Variants in PHTF2 observed in about 807,000 individuals in gnomAD.
PHTF2 encodes the protein putative homeodomain transcription factor 2.
A neutral mutation model predicts 101.2 loss-of-function variants in PHTF2; 60 were observed. The observed-to-expected ratio is 0.59, with a 90% confidence interval of 0.48 to 0.73. PHTF2 has a LOEUF of 0.73. Among genes scored for constraint, PHTF2 ranks in the 30% least tolerant of loss-of-function variants. PHTF2 has a pLI of 0.00. For synonymous variants in PHTF2, 311 were observed against 307.3 expected (o/e 1.01, Z -0.13); for missense variants, 747 against 908.7 (o/e 0.82, Z 2.29).
At chr7:77,940,536 T>G (rs1805558537) in exon 15 of PHTF2, 1 of 1,594,496 alleles carries the variant, frequency 6.3e-7, no homozygotes, top group Non-Finnish European at 8.5e-7. Flanking sequence ...AGCGATTACT[T>G]TTTGCAAAAC....
intron 1 of PHTF2, chr7:77,840,017 T>A: frequency 2.7e-6 from 1 of 369,736 alleles, no homozygotes; most frequent in Non-Finnish European, 4.8e-6. Context: ...TTCATGCAAA[T>A]AGAACTTTCT....
intron 11 of PHTF2, among the ~76,000 whole-genome samples, chr7:77,927,864 T>C (rs1804205298): frequency 6.6e-6 from 1 of 152,188 alleles, no homozygotes; most frequent in Non-Finnish European, 1.5e-5. Context: ...AGTAAAAGGT[T>C]ACGGTATGTA....
intron 11 of PHTF2, chr7:77,923,993 T>C (rs1458990264): frequency 1.1e-6 from 1 of 894,526 alleles, no homozygotes; most frequent in East Asian, 1.2e-4. Flanking sequence ...TTTTTAATGA[T>C]ATAAGAAATT....
intron 9 of PHTF2, among the ~76,000 whole-genome samples, chr7:77,912,128 T>C (rs1456574688): frequency 1.3e-5 from 2 of 152,224 alleles, no homozygotes; most frequent in East Asian, 3.8e-4. Flanking sequence ...TCAAATGAGA[T>C]AGAGACTTAA....
chr7:77,891,027 C>T (rs1263246820), intron 3 of PHTF2, among the ~76,000 whole-genome samples: 1 of 151,090 alleles, frequency 6.6e-6, no homozygotes, highest in Non-Finnish European at 1.5e-5. Context: ...CCCACCTCAG[C>T]CTCCTGAGTA....
chr7:77,882,960 A>G (rs568315316), intron 3 of PHTF2, among the ~76,000 whole-genome samples: 1 of 152,110 alleles, frequency 6.6e-6, no homozygotes, highest in African/African-American at 2.4e-5. Flanking sequence ...TCCATTGCAC[A>G]TGTGTGTAAT....
At chr7:77,897,115 A>C (rs1226661335) in intron 5 of PHTF2, among the ~76,000 whole-genome samples, 1 of 152,058 alleles carries the variant, frequency 6.6e-6, no homozygotes, top group African/African-American at 2.4e-5. Flanking sequence ...AAGCTTCTTA[A>C]AAGACTAGAC....
chr7:77,830,931 C>T (rs1206964211), intron 1 of PHTF2, among the ~76,000 whole-genome samples: 2 of 152,272 alleles, frequency 1.3e-5, no homozygotes, highest in African/African-American at 4.8e-5. Flanking sequence ...CTAACCTTAG[C>T]CAAAATGAGT....
At chr7:77,802,879 G>C (rs569888370) in intron 1 of PHTF2, among the ~76,000 whole-genome samples, 129 of 152,250 alleles carry the variant, frequency 8.5e-4, no homozygotes, top group African/African-American at 2.9e-3. Flanking sequence ...AAAGTCTCGT[G>C]CTTCTATCTT....
At chr7:77,891,199 A>G (rs1183285770) in intron 3 of PHTF2, among the ~76,000 whole-genome samples, 8 of 152,026 alleles carry the variant, frequency 5.3e-5, no homozygotes, top group Non-Finnish European at 1.0e-4. Flanking sequence ...ATGAGCCACC[A>G]TACCCAGCCT....
chr7:77,884,304 G>A (rs933947417), intron 3 of PHTF2, among the ~76,000 whole-genome samples: 1 of 152,140 alleles, frequency 6.6e-6, no homozygotes, highest in African/African-American at 2.4e-5. Context: ...TAGTGATGAA[G>A]TCTGAGATTT....
intron 3 of PHTF2, among the ~76,000 whole-genome samples, chr7:77,893,278 C>G (rs1162525645): frequency 2.0e-5 from 3 of 151,796 alleles, no homozygotes; most frequent in Admixed American, 6.6e-5. Context: ...TCAAGTAGGC[C>G]CTAGTGTCTG....
chr7:77,875,889 T>C (rs1798904199), intron 3 of PHTF2, among the ~76,000 whole-genome samples: 1 of 152,240 alleles, frequency 6.6e-6, no homozygotes, highest in Non-Finnish European at 1.5e-5. Context: ...ACACTTCATG[T>C]GTGCCACACA....
At chr7:77,870,246 T>TG in intron 3 of PHTF2, among the ~76,000 whole-genome samples, 1 of 143,536 alleles carries the variant, frequency 7.0e-6, no homozygotes, top group South Asian at 2.1e-4. Context: ...TAATCCATTT[T>TG]GTTTTTTTTT....
chr7:77,810,563 A>T (rs1793357659), intron 1 of PHTF2, among the ~76,000 whole-genome samples: 1 of 152,142 alleles, frequency 6.6e-6, no homozygotes, highest in Non-Finnish European at 1.5e-5. Context: ...TTTGAGACGA[A>T]GTCTTGCTCT....
At chr7:77,945,506 C>A (rs894828586) in intron 16 of PHTF2, among the ~76,000 whole-genome samples, 33 of 147,350 alleles carry the variant, frequency 2.2e-4, no homozygotes, top group African/African-American at 8.0e-4. Context: ...ATGTCTGATA[C>A]TATACAGACC....
intron 1 of PHTF2, among the ~76,000 whole-genome samples, chr7:77,805,287 A>G (rs964576447): frequency 1.3e-5 from 2 of 151,944 alleles, no homozygotes; most frequent in Non-Finnish European, 2.9e-5. Context: ...TCTGACTCTG[A>G]TGTCTTTTCT....
intron 9 of PHTF2, among the ~76,000 whole-genome samples, chr7:77,912,383 G>A (rs1562941993): frequency 6.6e-6 from 1 of 152,326 alleles, no homozygotes; most frequent in East Asian, 1.9e-4. Context: ...CCTAAGCTGA[G>A]TTCAGAGATC....
chr7:77,946,410 T>C lies in PHTF2; in HGVS notation c.1960-3268T>C, dbSNP rs536495974. Among the ~76,000 whole-genome samples the C allele has an allele frequency of 1.1e-4, 17 of 152,242 alleles. 1 individual carries two copies. In the South Asian group the frequency reaches 3.3e-3, roughly 30 times the overall value. Reference sequence around the variant, plus strand: ...CTGCTTTACCACTTCTAGTCAGCATTTGATGGAGGGTATTAATCAGCAAAG... The same window carrying C: ...CTGCTTTACCACTTCTAGTCAGCATCTGATGGAGGGTATTAATCAGCAAAG... On this transcript the variant is annotated intron_variant, in intron 16 of 19. Coordinates refer to ENST00000416283, the Ensembl canonical transcript of PHTF2.
Sources: allele counts gnomAD v4.1 joint callset (sites outside exome capture counted in the v4.1 genomes callset), GRCh38; gene constraint gnomAD v4.1.1; transcripts MANE v1.5; gene names NCBI Gene and HGNC (gene_info 2026-07-23, HGNC 2026-07-21).